The following EPS8L3 variants were observed in gnomAD, a reference collection of about 807,000 sequenced individuals.
EPS8L3 encodes epidermal growth factor receptor kinase substrate 8-like protein 3.
In EPS8L3, 80 loss-of-function variants were observed where a neutral mutation model predicts 88.5. The observed-to-expected ratio is 0.90, with a 90% CI of 0.75 to 1.09. EPS8L3 has a LOEUF of 1.09. Ranked by LOEUF, EPS8L3 falls within the 50% of genes least tolerant of loss-of-function variation. EPS8L3 has a pLI of 0.00. For synonymous variants in EPS8L3, 286 were observed against 291.0 expected (o/e 0.98, Z 0.18); for missense variants, 721 against 735.2 (o/e 0.98, Z 0.22).
At chr1:109,763,339 G>A (rs1651202182) in intron 1 of EPS8L3, among the ~76,000 whole-genome samples, 1 of 151,704 alleles carries the variant, frequency 6.6e-6, no homozygotes, top group Non-Finnish European at 1.5e-5. Flanking sequence ...ATGCAGAAGA[G>A]GAAGTGAGGT....
At position 109,757,054 on chromosome 1, in the gene EPS8L3, G is replaced by A. The variant is rs756032557; in HGVS notation, c.1081C>T (p.Leu361Phe). Reference protein sequence around the residue: ...QSCLSPPESNLWMGLGPAWTT... With the variant: ...QSCLSPPESNFWMGLGPAWTT... ...CAGGCTGGGCCCAACCCCATCCAAA[G>A]GTTACTCTCAGGTGGGCTTAGACAG... is the stretch of plus-strand genomic sequence containing the variant. The change falls in exon 12 of 19, where the codon CTT (leucine) becomes TTT (phenylalanine). Residue 361 changes from leucine (L) to phenylalanine (F), a missense_variant. Leu to Phe is a conservative substitution (Grantham distance 22, BLOSUM62 0). Transcript: ENST00000361965. 6.2e-7 allele frequency: 1 copy of A among 1,614,184 alleles called. No homozygotes were observed. The highest frequency in any genetic ancestry group is 8.5e-7 in the Non-Finnish European group (1 of 1,180,028).
At chr1:109,763,077 G>C (rs7534315) in intron 1 of EPS8L3, among the ~76,000 whole-genome samples, 36,805 of 152,160 alleles carry the variant, frequency 0.24, 4,708 homozygotes, top group African/African-American at 0.31. Flanking sequence ...ACATGTGAGA[G>C]AGCAACCCAT....
intron 7 of EPS8L3, 24 bp downstream of exon 7, chr1:109,758,500 C>T (rs750346337): frequency 1.0e-5 from 16 of 1,562,956 alleles, no homozygotes; most frequent in East Asian, 2.3e-5. Context: ...CTCTCCTTCA[C>T]CTGCCCCCAT....
intron 14 of EPS8L3, among the ~76,000 whole-genome samples, 176 bp downstream of exon 14, chr1:109,752,510 G>A (rs1355982808): frequency 6.6e-6 from 1 of 152,156 alleles, no homozygotes; most frequent in Non-Finnish European, 1.5e-5. Flanking sequence ...TGGGAGCCTA[G>A]GAGGGTAGAA....
At chr1:109,752,415 C>G (rs1649885732) in intron 14 of EPS8L3, 1 of 607,952 alleles carries the variant, frequency 1.6e-6, no homozygotes, top group African/African-American at 1.9e-5. Context: ...GTGGAATTTT[C>G]TACATCTGAG....
At chr1:109,751,206 G>T in intron 17 of EPS8L3, 72 bp downstream of exon 17, 2 of 1,346,906 alleles carry the variant, frequency 1.5e-6, no homozygotes. Flanking sequence ...TGTATGTTCT[G>T]GGTCTCTGGG....
rs1025687038 is a variant in EPS8L3 at position 109,750,653 on chromosome 1, T to C, written c.1770+7A>G. The stretch of plus-strand genomic sequence containing the variant: ...CAATGGTTGTCAGGACCCCAGGGTG[T>C]CCTCACCCCCAGCATCCTTCTGACA... On this transcript the variant is annotated splice_region_variant and intron_variant, in intron 18 of 18. Coordinates refer to ENST00000361965, the MANE Select transcript of EPS8L3 (RefSeq NM_133181.4). 2.5e-6 allele frequency: 4 copies of C among 1,613,990 alleles called. No homozygotes were observed. Among genetic ancestry groups the C allele is most frequent in the Non-Finnish European group, 3.4e-6 (4 of 1,180,006 alleles).
intron 14 of EPS8L3, 154 bp from the exon 15 acceptor site, chr1:109,752,347 G>T: frequency 4.2e-6 from 3 of 709,174 alleles, no homozygotes; most frequent in Non-Finnish European, 7.0e-6. Flanking sequence ...GTTAGGTGGG[G>T]CTTTCTGCAG....
intron 14 of EPS8L3, 53 bp from the exon 15 acceptor site, chr1:109,752,246 A>T: frequency 6.5e-7 from 1 of 1,535,646 alleles, no homozygotes; most frequent in Non-Finnish European, 8.9e-7. Flanking sequence ...AATTAAGCCT[A>T]TGTCCCAGCC....
chr1:109,752,803 A>G (rs1297553799), intron 13 of EPS8L3, 83 bp from the exon 14 acceptor site: 31 of 1,268,214 alleles, frequency 2.4e-5, no homozygotes, highest in Non-Finnish European at 1.1e-6. Context: ...GACCACAGGC[A>G]TAAGCAGCTC....
intron 8 of EPS8L3, 86 bp from the exon 9 acceptor site, chr1:109,758,144 C>A: frequency 7.3e-7 from 1 of 1,360,824 alleles, no homozygotes; most frequent in Non-Finnish European, 1.0e-6. Flanking sequence ...CCCTCCCCAC[C>A]ACAAGCCCCA....
intron 3 of EPS8L3, 113 bp downstream of exon 3, chr1:109,761,382 T>C: frequency 2.2e-6 from 2 of 912,436 alleles, no homozygotes; most frequent in East Asian, 5.3e-5. Context: ...GGACAGGCTG[T>C]TGGCTTCTGG....
Position 109,758,492 on chromosome 1 carries a change from C to T in EPS8L3, c.601+32G>A, listed in dbSNP as rs148396150. On this transcript the variant is annotated intron_variant, in intron 7 of 18. Coordinates refer to ENST00000361965, the MANE Select transcript of EPS8L3 (RefSeq NM_133181.4). The stretch of plus-strand genomic sequence containing the variant: ...ATCTTTGACTTTTCATCGAAACCCT[C>T]TCCTTCACCTGCCCCCATGCCCCAA... 4.6e-4 allele frequency: 713 copies of T among 1,561,868 alleles called. 11 individuals are homozygous for T. In the East Asian group the frequency reaches 0.015, roughly 33 times the overall value.
chr1:109,757,564 A>T lies in EPS8L3; in HGVS notation c.895-9T>A, dbSNP rs1650412410. ...CAGGTGGCCAGCCTTCCCTGGGGAC[A>T]CAGAGCAATGCCTGTCACCACCCTT... On this transcript the variant is annotated splice_polypyrimidine_tract_variant and intron_variant, in intron 10 of 18. Transcript: ENST00000361965. The T allele has an allele frequency of 6.2e-7, 1 of 1,612,588 alleles. No homozygotes were observed.
rs1316332895 is a variant in EPS8L3, at chr1:109,759,698, G to C, written c.235C>G (p.Leu79Val). 1.2e-6 allele frequency: 2 copies of C among 1,613,892 alleles called. No homozygotes were observed. Among genetic ancestry groups the C allele is most frequent in the Admixed American group, 3.3e-5 (2 of 60,020 alleles). ...ILQVRDGWLQ[L>V]LDIETKEELD... Reference sequence around the variant, plus strand: ...CTGACCTTGGTCTCAATGTCCAGCAGCTGCAGCCAGCCGTCCCTGACCTGC... The same window carrying C: ...CTGACCTTGGTCTCAATGTCCAGCACCTGCAGCCAGCCGTCCCTGACCTGC... Residue 79 changes from leucine to valine, a missense_variant, in exon 4 of 19, where the codon CTG (leucine) becomes GTG (valine). Physicochemically the swap from Leu to Val is conservative, Grantham distance 32. Transcript: ENST00000361965. The surrounding 1 kb of genome is among the most constrained non-coding windows in gnomAD (Gnocchi z 4.2).
At chr1:109,757,356 C>T in intron 11 of EPS8L3, 125 bp downstream of exon 11, 1 of 1,154,992 alleles carries the variant, frequency 8.7e-7, no homozygotes, top group South Asian at 1.4e-5. Flanking sequence ...TGGCTCTGAC[C>T]CCAGCTCATC....
intron 18 of EPS8L3, 111 bp from the exon 19 acceptor site, chr1:109,750,513 G>T: frequency 6.3e-7 from 1 of 1,577,404 alleles, no homozygotes; most frequent in Non-Finnish European, 8.7e-7. Flanking sequence ...ATGAAGCTAA[G>T]CCCCTGGGGG....
chr1:109,754,774 C>T (rs1021885762), intron 12 of EPS8L3, among the ~76,000 whole-genome samples: 2 of 152,164 alleles, frequency 1.3e-5, no homozygotes, highest in African/African-American at 2.4e-5. Flanking sequence ...TCCTCTCCTG[C>T]TAGTGCTAGA....
In EPS8L3 at chr1:109,758,739, G is replaced by A. The variant is rs1650571346; in HGVS notation, c.462-76C>T. The A allele has an allele frequency of 2.8e-5, 42 of 1,496,650 alleles. 1 individual carries two copies. The South Asian group carries it at 5.2e-4, about 18-fold the overall frequency. The allele number at this position is 1,496,650 out of a possible 1,614,324, so 92.7% of individuals were successfully genotyped here. On this transcript the variant is annotated intron_variant, in intron 6 of 18. Transcript: ENST00000361965. ...AGGCCCTCCCCACAATTCTGCTCCAGGACCCAGGGGCACCACCACCTCTCT... is the reference window on the plus strand; with the variant it reads ...AGGCCCTCCCCACAATTCTGCTCCAAGACCCAGGGGCACCACCACCTCTCT...
Sources: gnomAD v4.1 joint callset for allele counts (sites outside exome capture counted in the v4.1 genomes callset) on GRCh38, gnomAD v4.1.1 for gene constraint, Gnocchi (gnomAD v3.1) non-coding constraint, MANE v1.5 for transcripts, NCBI Gene and HGNC (gene_info 2026-07-23, HGNC 2026-07-21) for gene names.